ADAMTS20: variants seen among roughly 807,000 people sequenced by gnomAD.
The protein encoded by ADAMTS20 is A disintegrin and metalloproteinase with thrombospondin motifs 20.
In ADAMTS20, 225 loss-of-function variants were observed where a neutral mutation model predicts 260.1. The ratio of observed to expected loss-of-function variants is 0.87; its 90% CI spans 0.78 to 0.97. The LOEUF is 0.97. Ranked by LOEUF, ADAMTS20 falls within the 50% of genes least tolerant of loss-of-function variation. ADAMTS20 has a pLI of 0.00. For missense variants in ADAMTS20, 2,400 were observed against 2,337.7 expected (o/e 1.03, Z -0.55); for synonymous variants, 802 against 769.5 (o/e 1.04, Z -0.70).
chr12:43,390,969 A>T (rs957875798), intron 29 of ADAMTS20, among the ~76,000 whole-genome samples: 4 of 151,818 alleles, frequency 2.6e-5, no homozygotes, highest in African/African-American at 4.8e-5. Flanking sequence ...ATCAGTACCA[A>T]TTTTTTTTTA....
At chr12:43,464,216 T>A (rs1386918983) in intron 10 of ADAMTS20, among the ~76,000 whole-genome samples, 1 of 152,102 alleles carries the variant, frequency 6.6e-6, no homozygotes, top group Non-Finnish European at 1.5e-5. Context: ...TTAGTTAGAT[T>A]CCTGGTGCCT....
At position 43,430,481 on chromosome 12, in the gene ADAMTS20, G is replaced by C; in HGVS notation, c.3262-10C>G. 1 of 1,601,536 alleles carries C rather than the reference G, an allele frequency of 6.2e-7. No homozygotes were observed. The highest frequency in any genetic ancestry group is 8.5e-7 in the Non-Finnish European group (1 of 1,174,330). ...CACATGTGGTTGTGCACTGAAAGAA[G>C]AATATAGATATTAAAAAAACATTGT... On this transcript the variant is annotated splice_polypyrimidine_tract_variant and intron_variant, in intron 22 of 38. Coordinates refer to ENST00000389420, the MANE Select transcript of ADAMTS20 (RefSeq NM_025003.5).
intron 28 of ADAMTS20, among the ~76,000 whole-genome samples, chr12:43,415,255 T>C (rs895428249): frequency 7.9e-5 from 12 of 152,238 alleles, no homozygotes; most frequent in Middle Eastern, 3.4e-3. Context: ...ATGTTATTGG[T>C]TTGAGCATTG....
intron 14 of ADAMTS20, 105 bp downstream of exon 14, chr12:43,452,169 G>T: frequency 8.1e-7 from 1 of 1,236,272 alleles, no homozygotes; most frequent in Non-Finnish European, 1.1e-6. Flanking sequence ...GAATGCATAA[G>T]AACATATGCT....
intron 21 of ADAMTS20, among the ~76,000 whole-genome samples, chr12:43,432,086 C>G (rs1033653609): frequency 6.6e-6 from 1 of 152,106 alleles, no homozygotes; most frequent in Non-Finnish European, 1.5e-5. Flanking sequence ...CATCTGAGCT[C>G]AAGCAATCCA....
intron 38 of ADAMTS20, 62 bp from the exon 39 acceptor site, chr12:43,354,360 G>T: frequency 1.6e-6 from 2 of 1,214,328 alleles, no homozygotes; most frequent in Non-Finnish European, 2.4e-6. Context: ...TATGCAAATA[G>T]CAGAAAAAGC....
At chr12:43,477,844 T>G (rs894005661) in intron 7 of ADAMTS20, among the ~76,000 whole-genome samples, 4 of 152,222 alleles carry the variant, frequency 2.6e-5, no homozygotes, top group Admixed American at 2.6e-4. Flanking sequence ...AAGGTGCATG[T>G]GGATGTTGAG....
chr12:43,427,188 C>T, intron 27 of ADAMTS20, 120 bp downstream of exon 27: 1 of 1,219,764 alleles, frequency 8.2e-7, no homozygotes, highest in South Asian at 1.9e-5. Context: ...ACAAAAAAAA[C>T]AAAAATTCTT....
At chr12:43,489,228 A>G (rs1162677786) in intron 7 of ADAMTS20, among the ~76,000 whole-genome samples, 1 of 152,080 alleles carries the variant, frequency 6.6e-6, no homozygotes, top group Non-Finnish European at 1.5e-5. Flanking sequence ...GGTTTCTTAA[A>G]GAAGAAACAA....
At chr12:43,373,305 T>G (rs1370901432) in intron 36 of ADAMTS20, among the ~76,000 whole-genome samples, 1 of 152,202 alleles carries the variant, frequency 6.6e-6, no homozygotes, top group African/African-American at 2.4e-5. Flanking sequence ...TAACAGCAAA[T>G]AAGCTATTGA....
At chr12:43,514,820 A>G (rs923160159) in intron 3 of ADAMTS20, among the ~76,000 whole-genome samples, 9 of 152,220 alleles carry the variant, frequency 5.9e-5, no homozygotes, top group Non-Finnish European at 1.3e-4. Flanking sequence ...TGTAAATGAA[A>G]TGTATCATTT....
chr12:43,446,524 T>C, intron 15 of ADAMTS20, 71 bp downstream of exon 15: 1 of 1,161,030 alleles, frequency 8.6e-7, no homozygotes, highest in Non-Finnish European at 1.3e-6. Flanking sequence ...AGAATTACTG[T>C]TACACCTTCT....
intron 3 of ADAMTS20, among the ~76,000 whole-genome samples, chr12:43,530,615 A>G (rs894199944): frequency 6.6e-6 from 1 of 152,128 alleles, no homozygotes; most frequent in Non-Finnish European, 1.5e-5. Flanking sequence ...GACACCTACG[A>G]TCTCAAATAA....
intron 2 of ADAMTS20, among the ~76,000 whole-genome samples, chr12:43,541,306 A>C (rs1396067996): frequency 6.6e-6 from 1 of 152,228 alleles, no homozygotes; most frequent in Non-Finnish European, 1.5e-5. Context: ...TATGTAAATT[A>C]CTTTATATCT....
chr12:43,552,017 C>T lies in ADAMTS20; in HGVS notation c.-96G>A, dbSNP rs1450557796. 6 of 1,051,554 alleles carry T rather than the reference C, an allele frequency of 5.7e-6. No individual in the cohort carries two copies. The Admixed American group carries it at 9.5e-5, about 17-fold the overall frequency. 65.1% of individuals were successfully genotyped at this position (1,051,554 alleles called of 1,614,324 possible). ...GCTCCGATCCCTCTCCTCCCTCTCGCCCGCCGCTCTCCGCGCCTCAGCAGC... is the reference window on the plus strand; with the variant it reads ...GCTCCGATCCCTCTCCTCCCTCTCGTCCGCCGCTCTCCGCGCCTCAGCAGC... On this transcript the variant is annotated 5_prime_UTR_variant, in exon 1 of 39. Transcript: ENST00000389420.
intron 11 of ADAMTS20, among the ~76,000 whole-genome samples, chr12:43,460,988 A>ATATATATATTTTT: frequency 2.3e-4 from 6 of 26,394 alleles, no homozygotes; most frequent in Non-Finnish European, 3.3e-4. Flanking sequence ...ATATATATAT[A>ATATATATATTTTT]TTTTTTTTTT....
chr12:43,482,178 A>G (rs1942452396), intron 7 of ADAMTS20, among the ~76,000 whole-genome samples: 1 of 152,204 alleles, frequency 6.6e-6, no homozygotes, highest in Non-Finnish European at 1.5e-5. Flanking sequence ...TTGGCCAGCT[A>G]ATTCAGGCAG....
chr12:43,467,799 C>T (rs117023827), intron 8 of ADAMTS20, among the ~76,000 whole-genome samples: 1,712 of 152,210 alleles, frequency 0.011, 13 homozygotes, highest in Non-Finnish European at 0.017. Context: ...AAAATTATCT[C>T]CATTTGAAAT....
chr12:43,452,522 T>C lies in ADAMTS20; in HGVS notation c.1934A>G (p.Tyr645Cys), dbSNP rs1565555335. The change falls in exon 13 of 39, where the codon TAC (tyrosine) becomes TGC (cysteine). Residue 645 changes from tyrosine to cysteine, a missense_variant. Coordinates refer to ENST00000389420, the MANE Select transcript of ADAMTS20 (RefSeq NM_025003.5). ...CAGCATAATTTACTTACTGCCACTGTATCTTGGAAGCCACCTCACATTAGA... is the reference window on the plus strand; with the variant it reads ...CAGCATAATTTACTTACTGCCACTGCATCTTGGAAGCCACCTCACATTAGA... ...IPSNVRWLPRYSGIGTKDRCK... is the reference protein window; with the variant it reads ...IPSNVRWLPRCSGIGTKDRCK... 1.2e-6 allele frequency: 2 copies of C among 1,611,754 alleles called. No individual in the cohort carries two copies. Among genetic ancestry groups the C allele is most frequent in the Non-Finnish European group, 1.7e-6 (2 of 1,178,418 alleles).
Sources: gnomAD v4.1 joint callset for allele counts (sites outside exome capture counted in the v4.1 genomes callset) on GRCh38, gnomAD v4.1.1 for gene constraint, MANE v1.5 for transcripts, NCBI Gene and HGNC (gene_info 2026-07-23, HGNC 2026-07-21) for gene names.